The following HIVEP3 variants were observed in gnomAD, a reference collection of about 807,000 sequenced individuals.
HIVEP3 encodes HIVEP zinc finger 3, also known as transcription factor HIVEP3.
A neutral mutation model predicts 152.8 loss-of-function variants in HIVEP3; 49 were observed. That is an observed-to-expected ratio of 0.32 (90% CI 0.26 to 0.41). The LOEUF (loss-of-function observed/expected upper bound fraction) is 0.41. Ranked by LOEUF, HIVEP3 falls within the 10% of genes least tolerant of loss-of-function variation. HIVEP3 has a pLI of 1.00. For missense variants in HIVEP3, 2,790 were observed against 3,103.3 expected, an observed-to-expected ratio of 0.90 and a Z score of 2.40; for synonymous variants, 1,269 against 1,289.0, an observed-to-expected ratio of 0.98 and a Z score of 0.33.
intron 1 of HIVEP3, among the ~76,000 whole-genome samples, chr1:41,713,388 G>A (rs185371993): frequency 2.6e-5 from 4 of 152,284 alleles, no homozygotes; most frequent in East Asian, 1.9e-4. Context: ...ACATGCAGTC[G>A]CTGCTCAATA....
chr1:42,015,181 G>C (rs1396225396), intron 1 of HIVEP3, among the ~76,000 whole-genome samples: 1 of 152,196 alleles, frequency 6.6e-6, no homozygotes, highest in African/African-American at 2.4e-5. Flanking sequence ...TCTTCTATTT[G>C]TTATGAGGAC....
At chr1:41,880,637 AGAAAACACT>A (rs1644246905) in intron 1 of HIVEP3, among the ~76,000 whole-genome samples, 1 of 152,196 alleles carries the variant, frequency 6.6e-6, no homozygotes, top group African/African-American at 2.4e-5. Context: ...TTAATTTTTA[AGAAAACACT>A]GAACAGACCA....
chr1:41,604,850 T>C (rs1015909346), intron 3 of HIVEP3, among the ~76,000 whole-genome samples: 1 of 152,110 alleles, frequency 6.6e-6, no homozygotes, highest in Non-Finnish European at 1.5e-5. Context: ...ATGCCTATAA[T>C]CTCAGCATTT....
chr1:41,730,314 C>T (rs1646819206), intron 1 of HIVEP3, among the ~76,000 whole-genome samples: 1 of 152,236 alleles, frequency 6.6e-6, no homozygotes, highest in Admixed American at 6.5e-5. Context: ...TCCCCTCAAG[C>T]CTTGGTGTCC....
At chr1:42,032,418 C>T (rs78414150) in intron 1 of HIVEP3, among the ~76,000 whole-genome samples, 408 of 152,350 alleles carry the variant, frequency 2.7e-3, no homozygotes, top group African/African-American at 9.3e-3. Context: ...CTGCAACACC[C>T]GTTGGGAAAT....
chr1:41,537,427 C>T (rs1643427759), intron 5 of HIVEP3, among the ~76,000 whole-genome samples: 1 of 152,208 alleles, frequency 6.6e-6, no homozygotes, highest in Non-Finnish European at 1.5e-5. Context: ...CTCTGAGACC[C>T]ACTTTGGCGG....
At chr1:41,955,085 G>GTA (rs1645133168) in intron 1 of HIVEP3, among the ~76,000 whole-genome samples, 1 of 151,362 alleles carries the variant, frequency 6.6e-6, no homozygotes, top group Non-Finnish European at 1.5e-5. Flanking sequence ...GCACTCTGTT[G>GTA]GTAGTATTTA....
In HIVEP3 at chr1:41,664,398, C is replaced by T. The variant is rs910912474; in HGVS notation, c.-720-35451G>A. 1.3e-5 allele frequency among the ~76,000 whole-genome samples: 2 copies of T among 152,226 alleles called. No homozygotes were observed. The highest frequency in any genetic ancestry group is 4.8e-5 in the African/African-American group (2 of 41,454). ...CCAAGTTGAATGACATCCTCCTCCC[C>T]TTTGAGAGGTGGCCTGGCCTCAAGG... On this transcript the variant is annotated intron_variant, in intron 2 of 8. Coordinates refer to ENST00000372583, the MANE Select transcript of HIVEP3 (RefSeq NM_024503.5). The surrounding 1 kb of genome is among the most constrained non-coding windows in gnomAD (Gnocchi z 4.4).
intron 3 of HIVEP3, among the ~76,000 whole-genome samples, chr1:41,586,345 C>T (rs529451347): frequency 6.6e-6 from 1 of 152,292 alleles, no homozygotes; most frequent in African/African-American, 2.4e-5. Flanking sequence ...TCCATCTCAC[C>T]CAACCACCTG....
intron 2 of HIVEP3, among the ~76,000 whole-genome samples, chr1:41,645,189 C>A (rs1448290104): frequency 6.6e-6 from 1 of 152,222 alleles, no homozygotes; most frequent in East Asian, 1.9e-4. Context: ...CCAGCAGAAG[C>A]TCTGCTGCAC....
chr1:41,970,465 T>C (rs566141470), intron 1 of HIVEP3, among the ~76,000 whole-genome samples: 1 of 152,152 alleles, frequency 6.6e-6, no homozygotes, highest in Admixed American at 6.5e-5. Flanking sequence ...CATATTATCT[T>C]ATAAGTGGGA....
chr1:41,673,199 C>A (rs1377302232), intron 2 of HIVEP3, among the ~76,000 whole-genome samples: 1 of 152,230 alleles, frequency 6.6e-6, no homozygotes, highest in African/African-American at 2.4e-5. Context: ...AGCCGGCTAG[C>A]TGCTCTAACC....
intron 1 of HIVEP3, among the ~76,000 whole-genome samples, chr1:41,871,812 T>A (rs575516653): frequency 2.0e-5 from 3 of 152,246 alleles, no homozygotes; most frequent in Non-Finnish European, 4.4e-5. Flanking sequence ...AGAATAGGGC[T>A]ACGTCAAGAA....
chr1:41,784,654 T>C (rs923267740), intron 1 of HIVEP3, among the ~76,000 whole-genome samples: 1 of 152,186 alleles, frequency 6.6e-6, no homozygotes, highest in African/African-American at 2.4e-5. Flanking sequence ...GCAAGCTGGT[T>C]ACACACCCCA....
chr1:41,827,410 T>C (rs1162421938), intron 1 of HIVEP3, among the ~76,000 whole-genome samples: 1 of 152,102 alleles, frequency 6.6e-6, no homozygotes, highest in African/African-American at 2.4e-5. Context: ...TACCATCACC[T>C]GCAAGTGAAT....
chr1:41,528,453 ACACACCCCACC>A (rs1445893917), intron 5 of HIVEP3, among the ~76,000 whole-genome samples: 2 of 53,102 alleles, frequency 3.8e-5, no homozygotes, highest in African/African-American at 7.8e-5. Flanking sequence ...CCACCCTCAC[ACACACCCCACC>A]CTCACCTTCA....
intron 1 of HIVEP3, among the ~76,000 whole-genome samples, chr1:41,765,140 A>G (rs1647932186): frequency 6.6e-6 from 1 of 152,076 alleles, no homozygotes; most frequent in South Asian, 2.1e-4. Flanking sequence ...GGGCTCCCAG[A>G]AATTTGGTGG....
intron 1 of HIVEP3, among the ~76,000 whole-genome samples, chr1:41,991,312 G>T (rs1366071464): frequency 6.6e-6 from 1 of 150,670 alleles, no homozygotes; most frequent in Admixed American, 6.6e-5. Context: ...ATGATAAAGG[G>T]GATATCACCA....
chr1:41,741,790 T>C (rs1261240670), intron 1 of HIVEP3, among the ~76,000 whole-genome samples: 1 of 152,188 alleles, frequency 6.6e-6, no homozygotes, highest in Non-Finnish European at 1.5e-5. Flanking sequence ...GCTTCACCTA[T>C]TGGAGCAGCC....
Sources: gnomAD v4.1 joint callset for allele counts (sites outside exome capture counted in the v4.1 genomes callset) on GRCh38, gnomAD v4.1.1 for gene constraint, Gnocchi (gnomAD v3.1) non-coding constraint, MANE v1.5 for transcripts, NCBI Gene and HGNC (gene_info 2026-07-23, HGNC 2026-07-21) for gene names.